The following GPC5 variants were observed in gnomAD, a reference collection of about 807,000 sequenced individuals.
The protein encoded by GPC5 is glypican 5.
Under a neutral mutation model 53.9 loss-of-function variants are expected in GPC5, and 47 were observed. That is an observed-to-expected ratio of 0.87 (90% CI 0.69 to 1.11). The LOEUF (loss-of-function observed/expected upper bound fraction) is 1.11, where lower values mean the gene tolerates loss of function less well. Among genes scored for constraint, GPC5 ranks in the 50% most tolerant of loss-of-function variants. The probability of loss-of-function intolerance (pLI) is 0.00; values close to 1 mark genes in which losing one functional copy is unlikely to be tolerated. For synonymous variants in GPC5, 286 were observed against 263.3 expected (o/e 1.09, Z -0.84); for missense variants, 748 against 713.1 (o/e 1.05, Z -0.56).
chr13:91,996,324 T>C lies in GPC5; in HGVS notation c.1401+88267T>C, dbSNP rs530173498. 2.0e-5 allele frequency: 3 copies of C among 152,380 alleles called. No individual in the cohort carries two copies. The East Asian group carries it at 5.8e-4, about 29-fold the overall frequency. The allele number at this position is 152,380 out of a possible 1,614,324, so 9.4% of individuals were successfully genotyped here. A position where few individuals can be genotyped will look rare whatever the true frequency, so the allele number is the denominator to read the frequency against. ...GGTCTGGTTGCAAACATCTTCTCTC[T>C]AGCCCAGGCTATAGCTAAGACTTAA... is the stretch of plus-strand genomic sequence containing the variant. On this transcript the variant is annotated intron_variant, in intron 6 of 7. Transcript: ENST00000377067.
chr13:91,883,129 A>G (rs1409207543), intron 5 of GPC5, among the ~76,000 whole-genome samples: 2 of 152,126 alleles, frequency 1.3e-5, no homozygotes, highest in African/African-American at 4.8e-5. Flanking sequence ...GGAAGGTGCA[A>G]GGTGCTTCTT....
chr13:91,819,967 T>G (rs2038464585), intron 5 of GPC5, among the ~76,000 whole-genome samples: 1 of 152,196 alleles, frequency 6.6e-6, no homozygotes, highest in South Asian at 2.1e-4. Context: ...TAATTTGTAT[T>G]TCCCTTATTT....
At chr13:92,581,335 C>T (rs1405126254) in intron 7 of GPC5, among the ~76,000 whole-genome samples, 1 of 152,060 alleles carries the variant, frequency 6.6e-6, no homozygotes, top group Non-Finnish European at 1.5e-5. Context: ...TCTTTCTGTG[C>T]CTAGTTTATT....
chr13:92,823,188 T>C lies in GPC5; in HGVS notation c.1562-43094T>C, dbSNP rs907656362. On this transcript the variant is annotated intron_variant, in intron 7 of 7. Coordinates refer to ENST00000377067, the MANE Select transcript of GPC5 (RefSeq NM_004466.6). ...AAAGTAAAGAATTAAAATATTCCTATAAAAACAGGTGAACCAGGTGCATAG... is the reference window on the plus strand; with the variant it reads ...AAAGTAAAGAATTAAAATATTCCTACAAAAACAGGTGAACCAGGTGCATAG... Among the ~76,000 whole-genome samples, 14 of 152,248 alleles carry C rather than the reference T, an allele frequency of 9.2e-5. No homozygotes were observed. The East Asian group carries it at 2.7e-3, about 29-fold the overall frequency.
At chr13:91,991,020 T>C (rs2040451417) in intron 6 of GPC5, among the ~76,000 whole-genome samples, 1 of 152,172 alleles carries the variant, frequency 6.6e-6, no homozygotes, top group African/African-American at 2.4e-5. Flanking sequence ...AAAGTGTGCT[T>C]TTGGGAAGGC....
At chr13:92,133,666 A>G (rs560431520) in intron 6 of GPC5, among the ~76,000 whole-genome samples, 7 of 152,190 alleles carry the variant, frequency 4.6e-5, no homozygotes, top group African/African-American at 1.2e-4. Context: ...CTATCTTTCA[A>G]TGACATCAGT....
intron 7 of GPC5, among the ~76,000 whole-genome samples, chr13:92,175,932 G>A (rs544355918): frequency 2.0e-5 from 3 of 152,250 alleles, no homozygotes; most frequent in East Asian, 1.9e-4. Flanking sequence ...TGGAAGCTCT[G>A]TTCCTACTTT....
chr13:92,308,037 A>G (rs2043122280), intron 7 of GPC5, among the ~76,000 whole-genome samples: 1 of 152,178 alleles, frequency 6.6e-6, no homozygotes, highest in Non-Finnish European at 1.5e-5. Context: ...ACATGCTCAT[A>G]TAGATCATTT....
intron 7 of GPC5, among the ~76,000 whole-genome samples, chr13:92,685,451 A>G (rs185322549): frequency 3.2e-4 from 48 of 151,976 alleles, no homozygotes; most frequent in Non-Finnish European, 5.6e-4. Context: ...ATTTTTCCAC[A>G]TATATTTGTA....
At chr13:91,446,887 T>G (rs1880845033) in intron 1 of GPC5, among the ~76,000 whole-genome samples, 1 of 152,192 alleles carries the variant, frequency 6.6e-6, no homozygotes, top group African/African-American at 2.4e-5. Flanking sequence ...GTTTGCTGCA[T>G]GCGCGCATGA....
chr13:92,266,029 C>G (rs186078712), intron 7 of GPC5, among the ~76,000 whole-genome samples: 2 of 152,276 alleles, frequency 1.3e-5, no homozygotes, highest in East Asian at 3.9e-4. Flanking sequence ...CGAACACACT[C>G]CCTTAACAAT....
At chr13:92,719,169 C>G (rs929227230) in intron 7 of GPC5, among the ~76,000 whole-genome samples, 4 of 148,386 alleles carry the variant, frequency 2.7e-5, no homozygotes, top group Middle Eastern at 3.4e-3. Flanking sequence ...TTCCTATAGC[C>G]CCCCCCCACA....
chr13:92,728,962 G>A (rs2139296659), intron 7 of GPC5, among the ~76,000 whole-genome samples: 1 of 151,360 alleles, frequency 6.6e-6, no homozygotes, highest in East Asian at 2.0e-4. Flanking sequence ...TATCCTCTCA[G>A]AAAAAAACTA....
At chr13:92,162,999 C>T (rs571756857) in intron 7 of GPC5, among the ~76,000 whole-genome samples, 7 of 151,972 alleles carry the variant, frequency 4.6e-5, no homozygotes, top group South Asian at 2.1e-4. Flanking sequence ...TCCCCATATT[C>T]GTCATTACAT....
At chr13:92,039,708 T>C (rs958667867) in intron 6 of GPC5, among the ~76,000 whole-genome samples, 2 of 152,196 alleles carry the variant, frequency 1.3e-5, no homozygotes, top group Non-Finnish European at 2.9e-5. Context: ...CTTCGCTCCT[T>C]GGCTCACAAT....
At chr13:91,584,299 T>C (rs1229074824) in intron 2 of GPC5, among the ~76,000 whole-genome samples, 1 of 152,148 alleles carries the variant, frequency 6.6e-6, no homozygotes, top group East Asian at 1.9e-4. Flanking sequence ...TAGAATCCAG[T>C]CATGTAGAAA....
intron 7 of GPC5, among the ~76,000 whole-genome samples, chr13:92,752,968 C>T (rs1239640736): frequency 6.6e-6 from 1 of 152,170 alleles, no homozygotes; most frequent in African/African-American, 2.4e-5. Flanking sequence ...CCAGGAAGCT[C>T]GAACTGGGTG....
intron 2 of GPC5, among the ~76,000 whole-genome samples, chr13:91,580,646 A>C (rs1166334989): frequency 2.0e-5 from 3 of 152,218 alleles, no homozygotes; most frequent in African/African-American, 7.2e-5. Flanking sequence ...GGAAGCAGTC[A>C]CTGAGAATGT....
chr13:92,444,434 G>T (rs1431947316), intron 7 of GPC5, among the ~76,000 whole-genome samples: 1 of 152,038 alleles, frequency 6.6e-6, no homozygotes, highest in Non-Finnish European at 1.5e-5. Context: ...CTCAATTCAG[G>T]GTCTCAATTA....
Sources: allele counts gnomAD v4.1 joint callset (sites outside exome capture counted in the v4.1 genomes callset), GRCh38; gene constraint gnomAD v4.1.1; transcripts MANE v1.5; gene names NCBI Gene and HGNC (gene_info 2026-07-23, HGNC 2026-07-21).